The following PCDHGB5 variants were observed in gnomAD, a reference collection of about 807,000 sequenced individuals.
PCDHGB5 encodes the protein protocadherin gamma-B5.
In PCDHGB5, 48 loss-of-function variants were observed where a neutral mutation model predicts 62.9. That is an observed-to-expected ratio of 0.76 (90% CI 0.61 to 0.97). PCDHGB5 has a LOEUF of 0.97. Ranked by LOEUF, PCDHGB5 falls within the 50% of genes least tolerant of loss-of-function variation. The pLI, the probability that PCDHGB5 is intolerant of heterozygous loss-of-function variation, is 0.00. For synonymous variants in PCDHGB5, 474 were observed against 511.2 expected, an observed-to-expected ratio of 0.93 and a Z score of 0.98; for missense variants, 1,118 against 1,198.6, an observed-to-expected ratio of 0.93 and a Z score of 0.99.
chr5:141,472,045 TA>T (rs1227282207), intron 1 of PCDHGB5, among the ~76,000 whole-genome samples: 3 of 152,170 alleles, frequency 2.0e-5, no homozygotes, highest in Non-Finnish European at 4.4e-5. Flanking sequence ...GAAAAGATTT[TA>T]AAAATGATTG....
chr5:141,457,168 C>T (rs10072917), intron 1 of PCDHGB5, among the ~76,000 whole-genome samples: 42,426 of 152,004 alleles, frequency 0.28, 6,644 homozygotes, highest in African/African-American at 0.43. Context: ...ATGGATAACC[C>T]TATTGCAAAT....
At position 141,485,044 on chromosome 5, in the gene PCDHGB5, G is replaced by A; in HGVS notation, c.2398-9763G>A. 2 of 737,674 alleles carry A rather than the reference G, an allele frequency of 2.7e-6. No individual in the cohort carries two copies. The highest frequency in any genetic ancestry group is 1.8e-5 in the African/African-American group (1 of 56,792). The allele number at this position is 737,674 out of a possible 1,614,324, so 45.7% of individuals were successfully genotyped here. A position where few individuals can be genotyped will look rare whatever the true frequency, so the allele number is the denominator to read the frequency against. ...GCAAAAACGGCGCGTAACCCTTGCG[G>A]CGCCGGCCGAACCGCGCCAGAGCTG... On this transcript the variant is annotated intron_variant, in intron 1 of 3. Coordinates refer to ENST00000617380, the MANE Select transcript of PCDHGB5 (RefSeq NM_018925.3). This position sits in a 1 kb window ranked among gnomAD's most constrained non-coding sequence, Gnocchi z 5.7.
chr5:141,474,516 T>G (rs999585038), intron 1 of PCDHGB5, among the ~76,000 whole-genome samples: 1 of 152,240 alleles, frequency 6.6e-6, no homozygotes, highest in Non-Finnish European at 1.5e-5. Context: ...GCCCTCTTGC[T>G]GGTCTGGCTA....
chr5:141,471,003 C>A (rs2099246040), intron 1 of PCDHGB5, among the ~76,000 whole-genome samples: 1 of 151,658 alleles, frequency 6.6e-6, no homozygotes, highest in East Asian at 1.9e-4. Flanking sequence ...AGGCATGAGC[C>A]ACTGTGCCTG....
intron 1 of PCDHGB5, chr5:141,421,282 A>G (rs762064258): frequency 7.4e-6 from 12 of 1,613,034 alleles, no homozygotes; most frequent in Non-Finnish European, 1.0e-5. Context: ...GCTGCTGTGC[A>G]TTTTCCTGGG....
At chr5:141,408,188 G>A in intron 1 of PCDHGB5, 6 of 1,543,620 alleles carry the variant, frequency 3.9e-6, no homozygotes, top group Non-Finnish European at 4.4e-6. Flanking sequence ...GACCCAGCGA[G>A]AACCCGAGCG....
chr5:141,400,332 T>TC lies in PCDHGB5; in HGVS notation c.2211dup (p.Asn738GlnfsTer24), dbSNP rs772688780. 6 of 1,613,994 alleles carry TC rather than the reference T, an allele frequency of 3.7e-6. No homozygotes were observed. Among genetic ancestry groups the TC allele is most frequent in the South Asian group, 3.3e-5 (3 of 91,078 alleles). Reference sequence around the variant, plus strand: ...TCTGTGTCAAGTCTGGACCTGTGGTTCCCCCCAACTACAGTCAGGGGACTT... The same window carrying TC: ...TCTGTGTCAAGTCTGGACCTGTGGTTCCCCCCCAACTACAGTCAGGGGACTT... On this transcript the variant is annotated frameshift_variant, in exon 1 of 4. Transcript: ENST00000617380. LOFTEE classifies it high-confidence loss of function.
intron 1 of PCDHGB5, among the ~76,000 whole-genome samples, chr5:141,445,834 T>G (rs1310067225): frequency 6.6e-6 from 1 of 152,218 alleles, no homozygotes; most frequent in Middle Eastern, 3.2e-3. Context: ...GGGAGAGCCT[T>G]GTAAATCACA....
intron 1 of PCDHGB5, chr5:141,427,842 C>T: frequency 6.5e-7 from 1 of 1,549,268 alleles, no homozygotes. Flanking sequence ...TGCCTTCGAC[C>T]ACGAGCAGCT....
At chr5:141,439,668 A>C (rs944454917) in intron 1 of PCDHGB5, among the ~76,000 whole-genome samples, 1 of 152,230 alleles carries the variant, frequency 6.6e-6, no homozygotes, top group Non-Finnish European at 1.5e-5. Context: ...CATGGAATGC[A>C]AATCCAAGAG....
rs144695545 is a variant in PCDHGB5, at chr5:141,487,156, C to G, written c.2398-7651C>G. ...CACCACTCTCTACCTCTGTTACTCT[C>G]TTAGTGTCCTTAGAGGAAGACACTC... On this transcript the variant is annotated intron_variant, in intron 1 of 3. Transcript: ENST00000617380. This position sits in a 1 kb window ranked among gnomAD's most constrained non-coding sequence, Gnocchi z 5.0. 105 of 1,613,896 alleles carry G rather than the reference C, an allele frequency of 6.5e-5. No homozygotes were observed. In the African/African-American group the frequency reaches 1.2e-3, roughly 18 times the overall value.
intron 1 of PCDHGB5, chr5:141,442,490 T>C (rs2098328971): frequency 6.6e-6 from 1 of 152,222 alleles, no homozygotes; most frequent in South Asian, 2.1e-4. Flanking sequence ...AAGGGGATGA[T>C]TGTGATTATT....
At chr5:141,451,077 C>T (rs1422196268) in intron 1 of PCDHGB5, among the ~76,000 whole-genome samples, 1 of 152,098 alleles carries the variant, frequency 6.6e-6, no homozygotes, top group Admixed American at 6.6e-5. Context: ...ATCCACCCAC[C>T]TTGACCTCCC....
intron 1 of PCDHGB5, among the ~76,000 whole-genome samples, chr5:141,444,192 A>ATT: frequency 1.9e-5 from 1 of 52,730 alleles, no homozygotes; most frequent in African/African-American, 7.7e-5. Flanking sequence ...TTTTTTTGAG[A>ATT]TGGAGTTTCA....
intron 1 of PCDHGB5, chr5:141,421,949 C>T (rs749189262): frequency 6.2e-6 from 10 of 1,612,856 alleles, no homozygotes; most frequent in Non-Finnish European, 6.8e-6. Flanking sequence ...GATCACATCC[C>T]AATGTTTACA....
In PCDHGB5 at chr5:141,491,225, T is replaced by G. The variant is rs764111440; in HGVS notation, c.2398-3582T>G. The stretch of plus-strand genomic sequence containing the variant: ...CCTTCACTCTCCTCCACAGCCACAG[T>G]GCTGCTGGTTCTGGAGGATGAGGAC... On this transcript the variant is annotated intron_variant, in intron 1 of 3. Transcript: ENST00000617380. This position sits in a 1 kb window ranked among gnomAD's most constrained non-coding sequence, Gnocchi z 6.9. 6.2e-7 allele frequency: 1 copy of G among 1,614,232 alleles called. No individual in the cohort carries two copies. Among genetic ancestry groups the G allele is most frequent in the Non-Finnish European group, 8.5e-7 (1 of 1,180,028 alleles).
At chr5:141,480,178 C>T (rs143309515) in intron 1 of PCDHGB5, among the ~76,000 whole-genome samples, 346 of 150,752 alleles carry the variant, frequency 2.3e-3, no homozygotes, top group Non-Finnish European at 2.8e-3. Flanking sequence ...CTGAGGCAGG[C>T]GGATTGCTTG....
rs781367282 is a variant in PCDHGB5 at position 141,485,525 on chromosome 5, C to G, written c.2398-9282C>G. On this transcript the variant is annotated intron_variant, in intron 1 of 3. Transcript: ENST00000617380. This position sits in a 1 kb window ranked among gnomAD's most constrained non-coding sequence, Gnocchi z 5.7. ...CACCGAAGGTCCTTTGGAAATGTAC[C>G]GAGCAGAGGTAGAGATCGTAGATGT... is the stretch of plus-strand genomic sequence containing the variant. 5 of 1,614,122 alleles carry G rather than the reference C, an allele frequency of 3.1e-6. No homozygotes were observed. The highest frequency in any genetic ancestry group is 2.5e-6 in the Non-Finnish European group (3 of 1,180,022).
rs1272694679 is a variant in PCDHGB5, at chr5:141,486,884, C to T, written c.2398-7923C>T. 7 of 1,614,106 alleles carry T rather than the reference C, an allele frequency of 4.3e-6. No individual in the cohort carries two copies. The highest frequency in any genetic ancestry group is 1.1e-5 in the South Asian group (1 of 91,082). ...TCCAGCTGTGCTCCGTCCTCGGGCC[C>T]GGCCTGGTTCCTTATGTCCCCAAGC... On this transcript the variant is annotated intron_variant, in intron 1 of 3. Coordinates refer to ENST00000617380, the MANE Select transcript of PCDHGB5 (RefSeq NM_018925.3). The surrounding 1 kb of genome is among the most constrained non-coding windows in gnomAD (Gnocchi z 5.0).
Sources: gnomAD v4.1 joint callset for allele counts (sites outside exome capture counted in the v4.1 genomes callset) on GRCh38, gnomAD v4.1.1 for gene constraint, Gnocchi (gnomAD v3.1) non-coding constraint, MANE v1.5 for transcripts, NCBI Gene and HGNC (gene_info 2026-07-23, HGNC 2026-07-21) for gene names.